Variants in RANBP2 observed in about 807,000 individuals in gnomAD.
RANBP2 encodes RAN binding protein 2.
In RANBP2, 57 loss-of-function variants were observed where a neutral mutation model predicts 303.6. The ratio of observed to expected loss-of-function variants is 0.19; its 90% CI spans 0.15 to 0.23. RANBP2 has a LOEUF of 0.23. Ranked by LOEUF, RANBP2 falls within the 10% of genes least tolerant of loss-of-function variation. The probability of loss-of-function intolerance (pLI) is 1.00; values close to 1 mark genes in which losing one functional copy is unlikely to be tolerated. For synonymous variants in RANBP2, 1,167 were observed against 1,301.5 expected (o/e 0.90, Z 2.23); for missense variants, 3,138 against 3,780.8 (o/e 0.83, Z 4.46).
chr2:109,111,476 C>CTCTG, the RANBP2 span, among the ~76,000 whole-genome samples: 1 of 151,742 alleles, frequency 6.6e-6, no homozygotes, highest in African/African-American at 2.4e-5. Flanking sequence ...TCAATCTGAA[C>CTCTG]TCTATACTCT....
At chr2:109,020,288 G>A in the RANBP2 span, among the ~76,000 whole-genome samples, 3 of 152,112 alleles carry the variant, frequency 2.0e-5, no homozygotes, top group African/African-American at 7.2e-5. Context: ...GCCATTAAAG[G>A]GAGCTCAAAG....
At chr2:109,301,099 G>A in the RANBP2 span, among the ~76,000 whole-genome samples, 1 of 152,200 alleles carries the variant, frequency 6.6e-6, no homozygotes, top group South Asian at 2.1e-4. Context: ...AATAATCATT[G>A]CTATTTTAAT....
At chr2:109,536,056 G>GC in the RANBP2 span, among the ~76,000 whole-genome samples, 1 of 131,792 alleles carries the variant, frequency 7.6e-6, no homozygotes, top group Non-Finnish European at 1.6e-5. Flanking sequence ...TGGGGGTGGG[G>GC]GGGGGGTCTC....
the RANBP2 span, among the ~76,000 whole-genome samples, chr2:109,660,220 T>C: frequency 6.6e-6 from 1 of 152,168 alleles, no homozygotes; most frequent in Non-Finnish European, 1.5e-5. Context: ...TCTTCATGTA[T>C]AACTTTGTAC....
chr2:109,046,850 C>T, the RANBP2 span, among the ~76,000 whole-genome samples: 1 of 152,030 alleles, frequency 6.6e-6, no homozygotes, highest in Non-Finnish European at 1.5e-5. Flanking sequence ...GAGTGGACTG[C>T]ACAGCTGACA....
chr2:109,315,671 AG>A, the RANBP2 span, among the ~76,000 whole-genome samples: 3 of 152,214 alleles, frequency 2.0e-5, no homozygotes, highest in Non-Finnish European at 2.9e-5. Flanking sequence ...CAGTCTATAA[AG>A]GGGCGAGCTC....
the RANBP2 span, among the ~76,000 whole-genome samples, chr2:109,373,922 G>A: frequency 1.3e-5 from 2 of 152,102 alleles, no homozygotes; most frequent in Non-Finnish European, 2.9e-5. Context: ...GCAAGCAGGT[G>A]CAGGCCCGAG....
the RANBP2 span, among the ~76,000 whole-genome samples, chr2:109,029,084 CTA>C: frequency 3.3e-5 from 5 of 151,522 alleles, no homozygotes. Flanking sequence ...TGTGCCCGGC[CTA>C]TGTGATTGTT....
chr2:109,614,618 CGG>C, the RANBP2 span: 2 of 1,459,550 alleles, frequency 1.4e-6, no homozygotes, highest in Non-Finnish European at 1.8e-6. Context: ...GCGCCCTAGG[CGG>C]CGAACCGGAG....
chr2:109,058,403 C>T, the RANBP2 span, among the ~76,000 whole-genome samples: 1 of 152,178 alleles, frequency 6.6e-6, no homozygotes, highest in South Asian at 2.1e-4. Context: ...CCTGTCACAG[C>T]GCCGTGAGCT....
chr2:109,666,857 C>T, the RANBP2 span, among the ~76,000 whole-genome samples: 1 of 152,114 alleles, frequency 6.6e-6, no homozygotes, highest in Non-Finnish European at 1.5e-5. Context: ...TGTGTTGAGA[C>T]CTCATAGTTT....
the RANBP2 span, among the ~76,000 whole-genome samples, chr2:109,158,143 C>T: frequency 6.6e-6 from 1 of 152,150 alleles, no homozygotes; most frequent in Non-Finnish European, 1.5e-5. Context: ...CAAGACAGGA[C>T]TGTGACCCAG....
chr2:109,387,857 T>TTG, the RANBP2 span, among the ~76,000 whole-genome samples: 1 of 134,022 alleles, frequency 7.5e-6, no homozygotes, highest in African/African-American at 3.7e-5. Flanking sequence ...CCCCAGATGG[T>TTG]TGGGGGGGGG....
chr2:109,071,546 C>T, the RANBP2 span, among the ~76,000 whole-genome samples: 2 of 152,022 alleles, frequency 1.3e-5, no homozygotes, highest in Non-Finnish European at 2.9e-5. Flanking sequence ...TGGTGGTGTG[C>T]ACCTGTAATC....
the RANBP2 span, among the ~76,000 whole-genome samples, chr2:109,196,578 T>A: frequency 6.6e-6 from 1 of 152,108 alleles, no homozygotes. Flanking sequence ...TGGCCCTACA[T>A]CATGTGGCTG....
chr2:109,544,537 C>T, the RANBP2 span: 1 of 983,256 alleles, frequency 1.0e-6, no homozygotes, highest in Middle Eastern at 5.2e-4. Flanking sequence ...TTGCAAACAA[C>T]AGCAGGGTTC....
the RANBP2 span, among the ~76,000 whole-genome samples, chr2:109,666,255 G>A: frequency 1.3e-5 from 2 of 152,058 alleles, no homozygotes; most frequent in South Asian, 4.2e-4. Context: ...ACATGAATTT[G>A]TATTAAAACA....
the RANBP2 span, chr2:108,895,659 C>T: frequency 6.6e-6 from 1 of 152,122 alleles, no homozygotes; most frequent in African/African-American, 2.4e-5. Flanking sequence ...TCACCTGAAC[C>T]CTACCTGCCC....
At chr2:109,541,770 G>A in the RANBP2 span, among the ~76,000 whole-genome samples, 2 of 152,102 alleles carry the variant, frequency 1.3e-5, no homozygotes, top group East Asian at 1.9e-4. Context: ...TTCTTTGGAC[G>A]GCTCCTTGTG....
Sources: allele counts gnomAD v4.1 joint callset (sites outside exome capture counted in the v4.1 genomes callset), GRCh38; gene constraint gnomAD v4.1.1; transcripts MANE v1.5; gene names NCBI Gene and HGNC (gene_info 2026-07-23, HGNC 2026-07-21).